Variants in CENPQ observed in about 807,000 individuals in gnomAD.
The protein encoded by CENPQ is centromere protein Q.
A neutral mutation model predicts 36.6 loss-of-function variants in CENPQ; 27 were observed. The ratio of observed to expected loss-of-function variants is 0.74; its 90% CI spans 0.54 to 1.02. CENPQ has a LOEUF of 1.02. Among genes scored for constraint, CENPQ ranks in the 50% least tolerant of loss-of-function variants. The probability of loss-of-function intolerance (pLI) is 0.00; values close to 1 mark genes in which losing one functional copy is unlikely to be tolerated. For synonymous variants in CENPQ, 101 were observed against 101.7 expected (o/e 0.99, Z 0.04); for missense variants, 306 against 301.8 (o/e 1.01, Z -0.10).
At chr6:49,481,300 A>G (rs1390878011) in intron 6 of CENPQ, among the ~76,000 whole-genome samples, 1 of 152,128 alleles carries the variant, frequency 6.6e-6, no homozygotes, top group Non-Finnish European at 1.5e-5. Flanking sequence ...TTTGTGGTTA[A>G]GTAGTGTGTC....
chr6:49,474,927 G>C (rs892613598), intron 5 of CENPQ, among the ~76,000 whole-genome samples: 4 of 152,056 alleles, frequency 2.6e-5, no homozygotes, highest in Admixed American at 6.6e-5. Flanking sequence ...ATAAATTCCT[G>C]GACACATACA....
At chr6:49,487,995 C>G (rs908979253) in intron 6 of CENPQ, among the ~76,000 whole-genome samples, 27 of 152,102 alleles carry the variant, frequency 1.8e-4, no homozygotes, top group Non-Finnish European at 1.0e-4. Flanking sequence ...AAGTTTTATG[C>G]TGCTTAAGGA....
chr6:49,487,336 AT>A (rs1474584450), intron 6 of CENPQ, among the ~76,000 whole-genome samples: 1 of 150,864 alleles, frequency 6.6e-6, no homozygotes, highest in Non-Finnish European at 1.5e-5. Context: ...TTTGTTGCAT[AT>A]CCTTTTGTTT....
chr6:49,482,193 T>TCGCACCTCTCCCTC (rs1350187618), intron 6 of CENPQ, among the ~76,000 whole-genome samples: 5 of 152,066 alleles, frequency 3.3e-5, no homozygotes, highest in African/African-American at 1.2e-4. Context: ...CGGTTCCCGC[T>TCGCACCTCTCCCTC]CGCACCTCTC....
At chr6:49,484,729 C>T (rs370860842) in intron 6 of CENPQ, among the ~76,000 whole-genome samples, 139 of 152,170 alleles carry the variant, frequency 9.1e-4, no homozygotes, top group African/African-American at 3.0e-3. Flanking sequence ...GCTAATAGGG[C>T]GGCATTTTTT....
At chr6:49,483,473 C>T (rs1435524250) in intron 6 of CENPQ, among the ~76,000 whole-genome samples, 5 of 152,094 alleles carry the variant, frequency 3.3e-5, no homozygotes, top group Non-Finnish European at 5.9e-5. Context: ...GAGCAGGGGG[C>T]GGCGCTCATG....
At chr6:49,488,495 T>C in intron 7 of CENPQ, 24 bp downstream of exon 7, 1 of 1,604,830 alleles carries the variant, frequency 6.2e-7, no homozygotes, top group Non-Finnish European at 8.5e-7. Flanking sequence ...ACTGTATTAT[T>C]GGAATTTGGA....
At chr6:49,469,897 C>T (rs1267849197) in intron 1 of CENPQ, among the ~76,000 whole-genome samples, 1 of 151,682 alleles carries the variant, frequency 6.6e-6, no homozygotes, top group African/African-American at 2.4e-5. Flanking sequence ...TTCTAAAATC[C>T]ATACAAACGG....
intron 1 of CENPQ, among the ~76,000 whole-genome samples, chr6:49,469,828 A>G (rs2127423515): frequency 6.6e-6 from 1 of 152,190 alleles, no homozygotes; most frequent in East Asian, 1.9e-4. Context: ...AAACATGGAG[A>G]GGATGTTATC....
At chr6:49,470,665 C>T (rs1237216769) in intron 2 of CENPQ, among the ~76,000 whole-genome samples, 1 of 149,116 alleles carries the variant, frequency 6.7e-6, no homozygotes, top group Non-Finnish European at 1.5e-5. Context: ...TTTTACCCTA[C>T]TCATTAGGCA....
At chr6:49,468,065 T>A (rs181822879) in intron 1 of CENPQ, among the ~76,000 whole-genome samples, 4 of 152,250 alleles carry the variant, frequency 2.6e-5, no homozygotes, top group African/African-American at 9.6e-5. Context: ...ACAGAACGTA[T>A]TGGGGTAAAT....
At chr6:49,487,170 T>TA (rs1211869323) in intron 6 of CENPQ, among the ~76,000 whole-genome samples, 1 of 4,356 alleles carries the variant, frequency 2.3e-4, no homozygotes, top group African/African-American at 2.6e-4. Context: ...AAAAAAAAAA[T>TA]AAAAAAAATA....
In CENPQ at chr6:49,470,276, A is replaced by G; in HGVS notation, c.100A>G (p.Lys34Glu). Residue 34 changes from lysine to glutamate, a missense_variant and splice_region_variant, in exon 2 of 9, where the codon AAG becomes GAG. Physicochemically the swap from Lys to Glu is moderately conservative, Grantham distance 56. Coordinates refer to ENST00000335783, the MANE Select transcript of CENPQ (RefSeq NM_018132.4). ...DNEEVVLSEN[K>E]VRNTVKKNKN... ...TGAGGAAGTTGTGTTGTCAGAGAAT[A>G]AGGTAATGAAAATATCAAGTTTCTC... The G allele has an allele frequency of 6.4e-7, 1 of 1,551,606 alleles. No homozygotes were observed. Among genetic ancestry groups the G allele is most frequent in the Non-Finnish European group, 8.9e-7 (1 of 1,127,552 alleles).
At chr6:49,487,380 C>T (rs1278768765) in intron 6 of CENPQ, among the ~76,000 whole-genome samples, 3 of 141,808 alleles carry the variant, frequency 2.1e-5, no homozygotes, top group South Asian at 4.5e-4. Flanking sequence ...TTAAAATGTA[C>T]AAACAATTCA....
In CENPQ at chr6:49,480,984, TC is replaced by T; in HGVS notation, c.384del (p.Lys130ArgfsTer5). ...LQQCETLKVP[P>X]KKMEDLTNVS... ...AACAGTGTGAAACTCTGAAAGTCCC[TC>T]CCAAAAAGATGGAAGATTTAACTAA... On this transcript the variant is annotated frameshift_variant, in exon 6 of 9. Transcript: ENST00000335783. LOFTEE classifies it high-confidence loss of function. 1.2e-6 allele frequency: 2 copies of T among 1,607,628 alleles called. No homozygotes were observed. The highest frequency in any genetic ancestry group is 1.7e-6 in the Non-Finnish European group (2 of 1,176,532).
intron 5 of CENPQ, among the ~76,000 whole-genome samples, chr6:49,477,566 TAA>T (rs991546144): frequency 7.6e-5 from 10 of 132,450 alleles, no homozygotes; most frequent in Admixed American, 2.3e-4. Context: ...TAAAGTATAA[TAA>T]AAAAAAAAAA....
At chr6:49,472,503 T>C (rs1768165360) in intron 4 of CENPQ, among the ~76,000 whole-genome samples, 2 of 152,128 alleles carry the variant, frequency 1.3e-5, no homozygotes, top group Non-Finnish European at 2.9e-5. Flanking sequence ...GCTACCACAC[T>C]GGAGGGGATA....
chr6:49,471,146 C>T (rs1768124629), intron 3 of CENPQ, 118 bp downstream of exon 3: 5 of 527,010 alleles, frequency 9.5e-6, no homozygotes, highest in Non-Finnish European at 1.5e-5. Context: ...TAAACAACTA[C>T]ATTTGCATTT....
intron 5 of CENPQ, among the ~76,000 whole-genome samples, chr6:49,480,423 T>C (rs1768399708): frequency 1.3e-5 from 2 of 152,242 alleles, no homozygotes; most frequent in South Asian, 4.1e-4. Flanking sequence ...TGCACTTTGA[T>C]CTTAGTGTTT....
Sources: allele counts gnomAD v4.1 joint callset (sites outside exome capture counted in the v4.1 genomes callset), GRCh38; gene constraint gnomAD v4.1.1; transcripts MANE v1.5; gene names NCBI Gene and HGNC (gene_info 2026-07-23, HGNC 2026-07-21).